The following LRP1B variants were observed in gnomAD, a reference collection of about 807,000 sequenced individuals.
LRP1B encodes the protein LDL receptor related protein 1B.
In LRP1B, 217 loss-of-function variants were observed where a neutral mutation model predicts 556.6. The observed-to-expected ratio is 0.39, with a 90% CI of 0.35 to 0.44. The LOEUF is 0.44. Among genes scored for constraint, LRP1B ranks in the 20% least tolerant of loss-of-function variants. The pLI, the probability that LRP1B is intolerant of heterozygous loss-of-function variation, is 1.00. For synonymous variants in LRP1B, 2,047 were observed against 1,865.8 expected, an observed-to-expected ratio of 1.10 and a Z score of -2.50; for missense variants, 5,053 against 5,620.8, an observed-to-expected ratio of 0.90 and a Z score of 3.23.
At chr2:141,369,601 T>C (rs72983118) in intron 3 of LRP1B, among the ~76,000 whole-genome samples, 9,990 of 152,240 alleles carry the variant, frequency 0.066, 455 homozygotes, top group African/African-American at 0.12. Flanking sequence ...ATCATCATGA[T>C]CAGTTTTTAC....
At chr2:141,795,895 T>TAG (rs1695795144) in intron 2 of LRP1B, among the ~76,000 whole-genome samples, 1 of 77,300 alleles carries the variant, frequency 1.3e-5, no homozygotes, top group Non-Finnish European at 2.7e-5. Context: ...TATATATATA[T>TAG]ATATAATCTT....
At chr2:140,624,648 C>A (rs503757) in intron 41 of LRP1B, among the ~76,000 whole-genome samples, 111,150 of 152,094 alleles carry the variant, frequency 0.73, 40,716 homozygotes, top group African/African-American at 0.76. Flanking sequence ...TGATTGCACT[C>A]CAGCACTCCA....
intron 1 of LRP1B, among the ~76,000 whole-genome samples, chr2:142,114,578 T>C (rs1287019890): frequency 1.3e-5 from 2 of 152,092 alleles, no homozygotes; most frequent in African/African-American, 4.8e-5. Flanking sequence ...TGAAATATTA[T>C]TCGGTCATGA....
intron 2 of LRP1B, among the ~76,000 whole-genome samples, chr2:141,605,195 G>A (rs1301169467): frequency 6.6e-6 from 1 of 152,210 alleles, no homozygotes; most frequent in East Asian, 1.9e-4. Flanking sequence ...CCAGTCTGCA[G>A]CCTGTTTTGT....
At chr2:142,038,222 G>A (rs78443559) in intron 1 of LRP1B, among the ~76,000 whole-genome samples, 1,729 of 151,680 alleles carry the variant, frequency 0.011, 27 homozygotes, top group African/African-American at 0.033. Flanking sequence ...TTCTAAGCAC[G>A]TTCAGGTTGT....
intron 49 of LRP1B, among the ~76,000 whole-genome samples, chr2:140,519,562 A>G (rs1296527187): frequency 6.6e-6 from 1 of 152,192 alleles, no homozygotes; most frequent in African/African-American, 2.4e-5. Context: ...CAAGGACTTC[A>G]TGACTAAAAC....
intron 2 of LRP1B, among the ~76,000 whole-genome samples, chr2:141,603,316 G>A (rs1687815531): frequency 6.6e-6 from 1 of 152,154 alleles, no homozygotes; most frequent in South Asian, 2.1e-4. Flanking sequence ...GTAACAGTAG[G>A]CTCAGTTGAA....
chr2:141,810,363 C>A lies in LRP1B; in HGVS notation c.121G>T (p.Asp41Tyr), dbSNP rs538520838. The change falls in exon 2 of 91, where the codon GAT becomes TAT. Residue 41 changes from aspartate to tyrosine, a missense_variant. Physicochemically the swap from Asp to Tyr is radical, Grantham distance 160. This residue lies in a region of LRP1B where 3,619 missense variants were observed against 3,931.9 expected (regional missense o/e 0.92). Transcript: ENST00000389484. Reference protein sequence around the residue: ...LCDPGEFLCHDHVTCVSQSWL... With the variant: ...LCDPGEFLCHYHVTCVSQSWL... ...CTCTGGGAGACACAAGTCACGTGAT[C>A]GTGGCAAAGAAATTCACCAGGATCA... The A allele has an allele frequency of 6.2e-7, 1 of 1,612,884 alleles. No individual in the cohort carries two copies. The highest frequency in any genetic ancestry group is 1.1e-5 in the South Asian group (1 of 91,038).
rs372335865 is a variant in LRP1B, at chr2:140,350,010, C to A, written c.11892+787G>T. 2.6e-5 allele frequency among the ~76,000 whole-genome samples: 4 copies of A among 152,032 alleles called. No individual in the cohort carries two copies. In the East Asian group the frequency reaches 5.8e-4, roughly 22 times the overall value. ...AGTAGTGAGAACTTCTAGATAGGAA[C>A]CTCTAATTTTTGTTAAACACAAAGC... On this transcript the variant is annotated intron_variant, in intron 77 of 90. Transcript: ENST00000389484.
chr2:141,165,705 A>G (rs771958242), intron 7 of LRP1B, among the ~76,000 whole-genome samples: 1 of 152,028 alleles, frequency 6.6e-6, no homozygotes, highest in Non-Finnish European at 1.5e-5. Context: ...AGCAAAGAGG[A>G]AAACAAGCAA....
chr2:141,586,941 C>CAAAAAAAAAAAAA (rs769891211), intron 2 of LRP1B, among the ~76,000 whole-genome samples: 12 of 71,516 alleles, frequency 1.7e-4, no homozygotes, highest in Non-Finnish European at 2.9e-4. Context: ...GACTCCATCT[C>CAAAAAAAAAAAAA]AAAAAAAAAA....
At chr2:140,240,093 A>C (rs1680882302) in intron 87 of LRP1B, among the ~76,000 whole-genome samples, 1 of 150,864 alleles carries the variant, frequency 6.6e-6, no homozygotes, top group Admixed American at 6.6e-5. Context: ...TAGGTTATTT[A>C]AATGCTTTGA....
Position 141,096,677 on chromosome 2 carries a change from A to AGG in LRP1B, c.1014-34405_1014-34404insCC, listed in dbSNP as rs1553459401. On this transcript the variant is annotated intron_variant, in intron 7 of 90. Coordinates refer to ENST00000389484, the MANE Select transcript of LRP1B (RefSeq NM_018557.3). Reference sequence around the variant, plus strand: ...GAGAGAGAGAGAGAGAGAGAGAGAGAGAGAGAGAGAGAGAAAATAAATAAA... The same window carrying AGG: ...GAGAGAGAGAGAGAGAGAGAGAGAGAGGGAGAGAGAGAGAGAAAATAAATAAA... Among the ~76,000 whole-genome samples the AGG allele has an allele frequency of 1.5e-3, 188 of 129,144 alleles. 28 individuals are homozygous for AGG. Among genetic ancestry groups the AGG allele is most frequent in the East Asian group, 0.011 (30 of 2,738 alleles). The allele number at this position is 129,144 out of a possible 152,430, so 84.7% of individuals were successfully genotyped here.
intron 2 of LRP1B, among the ~76,000 whole-genome samples, chr2:141,568,035 A>G (rs1478588779): frequency 6.6e-6 from 1 of 150,860 alleles, no homozygotes; most frequent in Non-Finnish European, 1.5e-5. Context: ...ATTTACTAAA[A>G]GCATAGAACT....
chr2:142,112,608 C>T (rs1707041301), intron 1 of LRP1B, among the ~76,000 whole-genome samples: 1 of 152,054 alleles, frequency 6.6e-6, no homozygotes, highest in Non-Finnish European at 1.5e-5. Context: ...TTCCAGACTA[C>T]ATTGATTTCC....
At chr2:140,568,184 A>G (rs1246051542) in intron 43 of LRP1B, among the ~76,000 whole-genome samples, 4 of 130,564 alleles carry the variant, frequency 3.1e-5, no homozygotes, top group Admixed American at 8.6e-5. Flanking sequence ...TAATCTTAAG[A>G]TAATGCACCA....
intron 1 of LRP1B, among the ~76,000 whole-genome samples, chr2:142,055,633 C>T (rs981708425): frequency 6.6e-6 from 1 of 152,116 alleles, no homozygotes; most frequent in Non-Finnish European, 1.5e-5. Context: ...TGTACCATTA[C>T]CTCATAACCT....
rs940161497 is a variant in LRP1B at position 141,910,424 on chromosome 2, T to C, written c.83-100023A>G. 5.3e-5 allele frequency among the ~76,000 whole-genome samples: 8 copies of C among 152,222 alleles called. No homozygotes were observed. The East Asian group carries it at 1.4e-3, about 26-fold the overall frequency. On this transcript the variant is annotated intron_variant, in intron 1 of 90. Coordinates refer to ENST00000389484, the MANE Select transcript of LRP1B (RefSeq NM_018557.3). ...CAACCAAGGTGAGAACTATCAGATA[T>C]AGAGTTTGTTATTATGAGTATCCCC...
intron 66 of LRP1B, among the ~76,000 whole-genome samples, chr2:140,428,862 T>G (rs1407274845): frequency 6.6e-6 from 1 of 151,918 alleles, no homozygotes; most frequent in Non-Finnish European, 1.5e-5. Flanking sequence ...TAAGCACTCT[T>G]TTTTAGTTAT....
Sources: allele counts gnomAD v4.1 joint callset (sites outside exome capture counted in the v4.1 genomes callset), GRCh38; gene constraint gnomAD v4.1.1; regional missense constraint gnomAD v4.1.1; transcripts MANE v1.5; gene names NCBI Gene and HGNC (gene_info 2026-07-23, HGNC 2026-07-21).